The following JPH3 variants were observed in gnomAD, a reference collection of about 807,000 sequenced individuals.
The protein encoded by JPH3 is junctophilin-3.
A neutral mutation model predicts 59.6 loss-of-function variants in JPH3; 11 were observed. The ratio of observed to expected loss-of-function variants is 0.18; its 90% CI spans 0.12 to 0.31. The LOEUF (loss-of-function observed/expected upper bound fraction) is 0.31, where lower values mean the gene tolerates loss of function less well. JPH3 is among the 10% of genes least tolerant of loss of function. The pLI is 1.00. For missense variants in JPH3, 1,202 were observed against 1,105.7 expected (o/e 1.09, Z -1.24); for synonymous variants, 673 against 483.6 (o/e 1.39, Z -5.14).
chr16:87,697,205 G>A lies in JPH3; in HGVS notation c.*545G>A, dbSNP rs909862378. The A allele has an allele frequency of 5.8e-6, 1 of 171,280 alleles. No individual in the cohort carries two copies. Among genetic ancestry groups the A allele is most frequent in the Non-Finnish European group, 1.3e-5 (1 of 78,756 alleles). 10.6% of individuals were successfully genotyped at this position (171,280 alleles called of 1,614,324 possible). A position where few individuals can be genotyped will look rare whatever the true frequency, so the allele number is the denominator to read the frequency against. Reference sequence around the variant, plus strand: ...AGTAGCCTGGCCTTTTTCTGTGTGAGATCTGTGCTGCACACCTGAGGGAGG... The same window carrying A: ...AGTAGCCTGGCCTTTTTCTGTGTGAAATCTGTGCTGCACACCTGAGGGAGG... On this transcript the variant is annotated 3_prime_UTR_variant, in exon 5 of 5. Coordinates refer to ENST00000284262, the MANE Select transcript of JPH3 (RefSeq NM_020655.4).
chr16:87,658,558 A>C (rs1190784902), intron 2 of JPH3, among the ~76,000 whole-genome samples: 2 of 149,866 alleles, frequency 1.3e-5, no homozygotes, highest in East Asian at 1.9e-4. Flanking sequence ...TCTCTCCCCA[A>C]CCCCCCTGTT....
chr16:87,660,700 CA>C (rs1404706859), intron 2 of JPH3, among the ~76,000 whole-genome samples: 2 of 152,170 alleles, frequency 1.3e-5, no homozygotes, highest in African/African-American at 4.8e-5. Flanking sequence ...GCCTCTTCCA[CA>C]GATGGACCCC....
chr16:87,607,436 C>T (rs1017231569), intron 1 of JPH3, among the ~76,000 whole-genome samples: 2 of 152,254 alleles, frequency 1.3e-5, no homozygotes, highest in African/African-American at 2.4e-5. Context: ...CAGATCCCCC[C>T]AGGCGCCTGC....
chr16:87,696,351 G>C, intron 4 of JPH3: 3 of 583,504 alleles, frequency 5.1e-6, no homozygotes, highest in Middle Eastern at 4.6e-4. Context: ...GGAATTCCAG[G>C]ACCAGCAACC....
At chr16:87,622,152 AC>A (rs1324099419) in intron 1 of JPH3, among the ~76,000 whole-genome samples, 1 of 151,880 alleles carries the variant, frequency 6.6e-6, no homozygotes, top group Non-Finnish European at 1.5e-5. Flanking sequence ...GCCGCATGCC[AC>A]CCCACAAGCT....
intron 1 of JPH3, among the ~76,000 whole-genome samples, chr16:87,621,090 C>T (rs930276441): frequency 7.2e-5 from 11 of 152,300 alleles, no homozygotes; most frequent in African/African-American, 2.4e-4. Flanking sequence ...GCCCGGGAGG[C>T]GGAGGTTGCA....
At chr16:87,636,012 C>A (rs768830540) in intron 1 of JPH3, among the ~76,000 whole-genome samples, 1 of 152,354 alleles carries the variant, frequency 6.6e-6, no homozygotes. Context: ...GCTCTGGGGG[C>A]CGTGCTGACC....
At chr16:87,680,360 G>A (rs535130891) in intron 2 of JPH3, among the ~76,000 whole-genome samples, 6 of 151,296 alleles carry the variant, frequency 4.0e-5, no homozygotes, top group Non-Finnish European at 5.9e-5. Flanking sequence ...GGCTGCGCCC[G>A]GAAGGAAGCG....
intron 4 of JPH3, among the ~76,000 whole-genome samples, chr16:87,692,633 T>G (rs996229875): frequency 6.6e-6 from 1 of 151,974 alleles, no homozygotes; most frequent in African/African-American, 2.4e-5. Context: ...TTCTGGCCCG[T>G]GTAGGGCCCT....
chr16:87,671,189 AT>A (rs1012787208), intron 2 of JPH3, among the ~76,000 whole-genome samples: 1 of 152,146 alleles, frequency 6.6e-6, no homozygotes, highest in African/African-American at 2.4e-5. Flanking sequence ...GCTTCAGCCC[AT>A]GCACAGACAC....
intron 1 of JPH3, among the ~76,000 whole-genome samples, chr16:87,613,704 G>A (rs1362174378): frequency 2.0e-5 from 3 of 152,196 alleles, no homozygotes; most frequent in African/African-American, 7.2e-5. Context: ...AGGGCTGACT[G>A]TGTATGATAA....
chr16:87,677,225 C>CACAAAAA (rs1271128667), intron 2 of JPH3, among the ~76,000 whole-genome samples: 4 of 81,642 alleles, frequency 4.9e-5, no homozygotes, highest in African/African-American at 1.7e-4. Context: ...CACACACACA[C>CACAAAAA]AAAAAAAAAA....
At chr16:87,677,225 C>CACACACACACACA (rs1271128667) in intron 2 of JPH3, among the ~76,000 whole-genome samples, 11 of 81,728 alleles carry the variant, frequency 1.3e-4, no homozygotes, top group African/African-American at 4.7e-4. Context: ...CACACACACA[C>CACACACACACACA]AAAAAAAAAA....
intron 2 of JPH3, among the ~76,000 whole-genome samples, chr16:87,657,487 A>G (rs909990194): frequency 6.6e-6 from 1 of 152,238 alleles, no homozygotes; most frequent in African/African-American, 2.4e-5. Flanking sequence ...ACCGATGCAC[A>G]GCGTTGAATG....
chr16:87,670,011 G>A (rs1460311485), intron 2 of JPH3, among the ~76,000 whole-genome samples: 1 of 152,152 alleles, frequency 6.6e-6, no homozygotes, highest in Non-Finnish European at 1.5e-5. Context: ...CCGAGGCTGT[G>A]GGAGCTCTGC....
In JPH3 at chr16:87,652,232, C is replaced by T. The variant is rs1277908167; in HGVS notation, c.1160+7197C>T. 2.0e-5 allele frequency among the ~76,000 whole-genome samples: 3 copies of T among 152,226 alleles called. No individual in the cohort carries two copies. In the South Asian group the frequency reaches 6.2e-4, roughly 31 times the overall value. On this transcript the variant is annotated intron_variant, in intron 2 of 4. Transcript: ENST00000284262. ...CCTCGAGATCCGCCCACCTCGGCCT[C>T]CCAAAATGCTGGGATTACAGGCGTG...
At chr16:87,639,637 C>T (rs1037434232) in intron 1 of JPH3, among the ~76,000 whole-genome samples, 9 of 150,018 alleles carry the variant, frequency 6.0e-5, no homozygotes, top group African/African-American at 2.0e-4. Flanking sequence ...CCCTCCTGGC[C>T]TCCCGCCTGT....
chr16:87,628,520 TAC>T (rs759823060), intron 1 of JPH3, among the ~76,000 whole-genome samples: 4 of 152,220 alleles, frequency 2.6e-5, no homozygotes, highest in Non-Finnish European at 5.9e-5. Flanking sequence ...AGAATATTCC[TAC>T]AGAGTGTGGG....
chr16:87,648,166 G>A (rs1444563091), intron 2 of JPH3, among the ~76,000 whole-genome samples: 1 of 152,226 alleles, frequency 6.6e-6, no homozygotes, highest in Admixed American at 6.5e-5. Flanking sequence ...TTGGTCATCA[G>A]AGGATGGAGG....
Sources: allele counts gnomAD v4.1 joint callset (sites outside exome capture counted in the v4.1 genomes callset), GRCh38; gene constraint gnomAD v4.1.1; transcripts MANE v1.5; gene names NCBI Gene and HGNC (gene_info 2026-07-23, HGNC 2026-07-21).